Variants in DICER1 observed in about 807,000 individuals in gnomAD.
DICER1 encodes the protein endoribonuclease Dicer.
A neutral mutation model predicts 194.1 loss-of-function variants in DICER1; 43 were observed. The ratio of observed to expected loss-of-function variants is 0.22; its 90% CI spans 0.17 to 0.29. The LOEUF (loss-of-function observed/expected upper bound fraction) is 0.29. Among genes scored for constraint, DICER1 ranks in the 10% least tolerant of loss-of-function variants. The probability of loss-of-function intolerance (pLI) is 1.00; values close to 1 mark genes in which losing one functional copy is unlikely to be tolerated. For missense variants in DICER1, 1,608 were observed against 2,317.0 expected, an observed-to-expected ratio of 0.69 and a Z score of 6.28; for synonymous variants, 832 against 820.5, an observed-to-expected ratio of 1.01 and a Z score of -0.24.
At chr14:95,129,917 T>C in intron 5 of DICER1, 141 bp downstream of exon 5, 2 of 737,416 alleles carry the variant, frequency 2.7e-6, no homozygotes, top group Non-Finnish European at 4.4e-6. Context: ...TGAACATTAA[T>C]TTAATATTCA....
chr14:95,086,569 T>C lies in DICER1; in HGVS notation c.*3929A>G, dbSNP rs972230345. 11 of 233,252 alleles carry C rather than the reference T, an allele frequency of 4.7e-5. No individual in the cohort carries two copies. Among genetic ancestry groups the C allele is most frequent in the South Asian group, 3.6e-4 (2 of 5,532 alleles). The allele number at this position is 233,252 out of a possible 1,614,324, so 14.4% of individuals were successfully genotyped here. A position where few individuals can be genotyped will look rare whatever the true frequency, so the allele number is the denominator to read the frequency against. ...TAGTGCATCTATAAAATTTAAATTG[T>C]CTGTGGTTGATGTCCAAATAAAAAT... On this transcript the variant is annotated 3_prime_UTR_variant, in exon 27 of 27. Transcript: ENST00000343455.
chr14:95,121,770 G>A (rs2140174870), intron 8 of DICER1, among the ~76,000 whole-genome samples: 1 of 152,276 alleles, frequency 6.6e-6, no homozygotes, highest in Admixed American at 6.5e-5. Flanking sequence ...CCCCTATGGA[G>A]TGTTGTGAAT....
At chr14:95,134,992 A>G (rs1354973342) in intron 1 of DICER1, among the ~76,000 whole-genome samples, 1 of 152,120 alleles carries the variant, frequency 6.6e-6, no homozygotes, top group African/African-American at 2.4e-5. Flanking sequence ...ACTTTCCCAA[A>G]TTCAGCAAGC....
Position 95,115,525 on chromosome 14 carries a change from A to T in DICER1, c.1907+142T>A, listed in dbSNP as rs980885636. On this transcript the variant is annotated intron_variant, in intron 11 of 26. Transcript: ENST00000343455. Reference sequence around the variant, plus strand: ...TTGATTTAAAAAAAAATGAAAAAAGAAGTAACTTTTCTTTATCGAAAATAT... The same window carrying T: ...TTGATTTAAAAAAAAATGAAAAAAGTAGTAACTTTTCTTTATCGAAAATAT... 16 of 916,874 alleles carry T rather than the reference A, an allele frequency of 1.7e-5. No individual in the cohort carries two copies. The East Asian group carries it at 2.4e-4, about 14-fold the overall frequency. 56.8% of individuals were successfully genotyped at this position (916,874 alleles called of 1,614,324 possible). A position where few individuals can be genotyped will look rare whatever the true frequency, so the allele number is the denominator to read the frequency against.
chr14:95,099,321 C>G (rs1320570770), intron 22 of DICER1, among the ~76,000 whole-genome samples: 1 of 151,634 alleles, frequency 6.6e-6, no homozygotes, highest in Non-Finnish European at 1.5e-5. Context: ...TTTAAGTTCA[C>G]AGGAGTCCTG....
At chr14:95,131,115 C>G (rs1035756847) in intron 4 of DICER1, among the ~76,000 whole-genome samples, 41 of 152,166 alleles carry the variant, frequency 2.7e-4, no homozygotes, top group African/African-American at 9.9e-4. Flanking sequence ...CTGCAAACTC[C>G]ACCTTCTGGA....
In DICER1 at chr14:95,091,439, TC is replaced by T. The variant is rs1889832486; in HGVS notation, c.5365-75del. ...GGCAGTCCACAGATGTAGTTTCTTT[TC>T]TTGGATATATGACTTTTGTTACTTC... On this transcript the variant is annotated intron_variant, in intron 24 of 26. Transcript: ENST00000343455. The T allele has an allele frequency of 4.3e-6, 6 of 1,401,954 alleles. No homozygotes were observed. The South Asian group carries it at 4.6e-5, about 11-fold the overall frequency. The allele number at this position is 1,401,954 out of a possible 1,614,324, so 86.8% of individuals were successfully genotyped here. A position where few individuals can be genotyped will look rare whatever the true frequency, so the allele number is the denominator to read the frequency against.
Position 95,091,184 on chromosome 14 carries a change from TA to T in DICER1, c.5527+18del. The T allele has an allele frequency of 6.2e-7, 1 of 1,614,160 alleles. No homozygotes were observed. The highest frequency in any genetic ancestry group is 1.3e-5 in the African/African-American group (1 of 75,030). On this transcript the variant is annotated intron_variant, in intron 25 of 26. Transcript: ENST00000343455. ...TTAATTTTGTGGGTTTTTTTCTTTC[TA>T]AAGGGAGCCAACAATACCTATTAGT...
Position 95,116,582 on chromosome 14 carries a change from T to C in DICER1, c.1623A>G (p.Thr541=). The change falls in exon 10 of 27, where the codon ACA becomes ACG. Residue 541 remains threonine (T), a synonymous_variant. Coordinates refer to ENST00000343455, the MANE Select transcript of DICER1 (RefSeq NM_177438.3). ...TAGATTGAACATAGGATCGATATTC[T>C]GTGGGCAAATCAAAACGAACCACCA... The part of the protein sequence containing the change: ...CNLVVRFDLP[T]EYRSYVQSKG... 6.2e-7 allele frequency: 1 copy of C among 1,614,088 alleles called. No homozygotes were observed. Among genetic ancestry groups the C allele is most frequent in the Non-Finnish European group, 8.5e-7 (1 of 1,180,002 alleles).
intron 8 of DICER1, among the ~76,000 whole-genome samples, chr14:95,122,204 G>A (rs141166237): frequency 1.1e-3 from 171 of 152,186 alleles, no homozygotes; most frequent in African/African-American, 3.9e-3. Context: ...GGAAGTAACC[G>A]ACTGATTCTG....
intron 21 of DICER1, among the ~76,000 whole-genome samples, chr14:95,101,375 C>T (rs1435635727): frequency 6.6e-6 from 1 of 152,172 alleles, no homozygotes; most frequent in Non-Finnish European, 1.5e-5. Context: ...TCACCTCTGT[C>T]TTGTCTAACA....
intron 23 of DICER1, 102 bp downstream of exon 23, chr14:95,095,723 T>A (rs763990002): frequency 1.6e-6 from 2 of 1,252,974 alleles, no homozygotes; most frequent in Non-Finnish European, 2.3e-6. Flanking sequence ...ATATTAAGCA[T>A]GAACACTGTA....
intron 5 of DICER1, among the ~76,000 whole-genome samples, 170 bp downstream of exon 5, chr14:95,129,888 A>G (rs1893804214): frequency 6.6e-6 from 1 of 152,204 alleles, no homozygotes; most frequent in South Asian, 2.1e-4. Context: ...GATGTTTAAA[A>G]GTTTATTATA....
At chr14:95,113,030 C>A in intron 12 of DICER1, 62 bp downstream of exon 12, 1 of 1,555,252 alleles carries the variant, frequency 6.4e-7, no homozygotes, top group Non-Finnish European at 8.8e-7. Flanking sequence ...CTTAGAAAAG[C>A]TGAAAAAATC....
chr14:95,154,867 A>C (rs1895738982), intron 1 of DICER1, among the ~76,000 whole-genome samples: 1 of 125,530 alleles, frequency 8.0e-6, no homozygotes, highest in Non-Finnish European at 1.6e-5. Flanking sequence ...TTACCATGCC[A>C]AAAAAAAAAA....
intron 20 of DICER1, 30 bp from the exon 21 acceptor site, chr14:95,104,156 A>G (rs1273065846): frequency 1.9e-6 from 3 of 1,576,138 alleles, no homozygotes; most frequent in Non-Finnish European, 2.6e-6. Flanking sequence ...ACTTTACATC[A>G]GATTCTTCAA....
intron 1 of DICER1, among the ~76,000 whole-genome samples, chr14:95,155,929 G>C (rs1273124757): frequency 2.0e-5 from 3 of 152,112 alleles, no homozygotes; most frequent in Non-Finnish European, 4.4e-5. Flanking sequence ...ACGTGCCACA[G>C]GTAGCTTTAA....
intron 6 of DICER1, 134 bp downstream of exon 6, chr14:95,129,338 A>G (rs993386952): frequency 1.3e-6 from 1 of 782,450 alleles, no homozygotes; most frequent in Non-Finnish European, 2.1e-6. Flanking sequence ...GAGAATTCTT[A>G]CTCTTGCCCA....
In DICER1 at chr14:95,099,974, T is replaced by A. The variant is rs374557615; in HGVS notation, c.4051-39A>T. On this transcript the variant is annotated intron_variant, in intron 21 of 26. Transcript: ENST00000343455. ...TATTAGGATACTTATCCATAAATGA[T>A]CACTGCTGGAATTCATTCAAGGCAT... The A allele has an allele frequency of 6.3e-5, 101 of 1,610,666 alleles. No individual in the cohort carries two copies. In the East Asian group the frequency reaches 8.7e-4, roughly 14 times the overall value.
Sources: gnomAD v4.1 joint callset for allele counts (sites outside exome capture counted in the v4.1 genomes callset) on GRCh38, gnomAD v4.1.1 for gene constraint, MANE v1.5 for transcripts, NCBI Gene and HGNC (gene_info 2026-07-23, HGNC 2026-07-21) for gene names.